The following SSH2 variants were observed in gnomAD, a reference collection of about 807,000 sequenced individuals.
SSH2 encodes protein phosphatase Slingshot homolog 2.
Under a neutral mutation model 135.2 loss-of-function variants are expected in SSH2, and 37 were observed. The observed-to-expected ratio is 0.27, with a 90% CI of 0.21 to 0.36. The LOEUF is 0.36. SSH2 is among the 10% of genes least tolerant of loss of function. SSH2 has a pLI of 1.00. For synonymous variants in SSH2, 628 were observed against 646.2 expected (o/e 0.97, Z 0.43); for missense variants, 1,408 against 1,765.3 (o/e 0.80, Z 3.63).
chr17:29,627,730 C>G lies in SSH2; in HGVS notation c.*3111G>C, dbSNP rs2035539954. The G allele has an allele frequency of 6.6e-6, 1 of 152,556 alleles. No homozygotes were observed. The highest frequency in any genetic ancestry group is 2.4e-5 in the African/African-American group (1 of 41,424). 9.5% of individuals were successfully genotyped at this position (152,556 alleles called of 1,614,324 possible). A position where few individuals can be genotyped will look rare whatever the true frequency, so the allele number is the denominator to read the frequency against. The stretch of plus-strand genomic sequence containing the variant: ...AGTACTACATGTCTACTACAGTATC[C>G]ATTAGTCCTGGGTGTCTCCAAAAAT... On this transcript the variant is annotated 3_prime_UTR_variant, in exon 16 of 16. Transcript: ENST00000540801.
chr17:29,839,705 A>T (rs1162124685), intron 2 of SSH2, among the ~76,000 whole-genome samples: 2 of 152,238 alleles, frequency 1.3e-5, no homozygotes, highest in Non-Finnish European at 2.9e-5. Context: ...CTATATTTTT[A>T]AAATAAACTC....
intron 1 of SSH2, among the ~76,000 whole-genome samples, chr17:29,900,574 A>G (rs981021136): frequency 3.3e-5 from 5 of 152,212 alleles, no homozygotes; most frequent in African/African-American, 9.6e-5. Flanking sequence ...CAAAACCACA[A>G]TGAGATACCA....
intron 11 of SSH2, among the ~76,000 whole-genome samples, chr17:29,660,891 T>C (rs2037003269): frequency 6.6e-6 from 1 of 151,538 alleles, no homozygotes; most frequent in African/African-American, 2.4e-5. Flanking sequence ...ACTCCAACTT[T>C]ACTAAAAATA....
intron 3 of SSH2, among the ~76,000 whole-genome samples, chr17:29,789,529 G>C (rs1189872578): frequency 6.6e-6 from 1 of 152,170 alleles, no homozygotes; most frequent in African/African-American, 2.4e-5. Context: ...CCCCCCAAAG[G>C]CAATTCAGTG....
At chr17:29,691,029 G>A (rs1015074919) in intron 5 of SSH2, among the ~76,000 whole-genome samples, 1 of 151,482 alleles carries the variant, frequency 6.6e-6, no homozygotes, top group Non-Finnish European at 1.5e-5. Flanking sequence ...TGCTGAGAAC[G>A]ATTTTCTCAG....
chr17:29,788,912 AATAC>A (rs1203245947), intron 3 of SSH2, among the ~76,000 whole-genome samples: 2 of 152,208 alleles, frequency 1.3e-5, no homozygotes, highest in Admixed American at 1.3e-4. Context: ...CTTCTTAGAG[AATAC>A]ATAAAGAACC....
chr17:29,865,244 C>T (rs980143928), intron 1 of SSH2, among the ~76,000 whole-genome samples: 1 of 152,190 alleles, frequency 6.6e-6, no homozygotes, highest in African/African-American at 2.4e-5. Flanking sequence ...ATTTCTGCAA[C>T]TTAAGATTGA....
intron 2 of SSH2, 113 bp from the exon 3 acceptor site, chr17:29,794,050 T>A: frequency 2.5e-6 from 2 of 805,684 alleles, no homozygotes; most frequent in Non-Finnish European, 4.0e-6. Flanking sequence ...AAATTACTCA[T>A]GTTGTATACT....
intron 3 of SSH2, among the ~76,000 whole-genome samples, chr17:29,707,924 T>C (rs1015543674): frequency 1.3e-5 from 2 of 152,016 alleles, no homozygotes; most frequent in African/African-American, 4.8e-5. Context: ...CTTTATTCCA[T>C]GGCCCCAGGT....
chr17:29,751,296 T>C (rs781322918), intron 3 of SSH2, among the ~76,000 whole-genome samples: 4 of 152,042 alleles, frequency 2.6e-5, no homozygotes, highest in Non-Finnish European at 5.9e-5. Flanking sequence ...ATGCCTCTAA[T>C]CCCAGCTACT....
intron 3 of SSH2, among the ~76,000 whole-genome samples, chr17:29,758,379 C>T (rs534101119): frequency 6.6e-6 from 1 of 152,266 alleles, no homozygotes; most frequent in Non-Finnish European, 1.5e-5. Flanking sequence ...CTTCTCTAAG[C>T]CTCAGTTTCA....
chr17:29,742,705 G>A (rs1416169701), intron 3 of SSH2, among the ~76,000 whole-genome samples: 1 of 151,860 alleles, frequency 6.6e-6, no homozygotes, highest in African/African-American at 2.4e-5. Context: ...CATGATCTCA[G>A]CTCACTGCAA....
At chr17:29,890,312 T>G (rs1035423465) in intron 1 of SSH2, among the ~76,000 whole-genome samples, 1 of 152,170 alleles carries the variant, frequency 6.6e-6, no homozygotes, top group Non-Finnish European at 1.5e-5. Flanking sequence ...CCTAGGTATA[T>G]GCCCAAGAGA....
Position 29,750,453 on chromosome 17 carries a change from ATT to A in SSH2, c.188+43439_188+43440del, listed in dbSNP as rs200840483. 5.2e-4 allele frequency among the ~76,000 whole-genome samples: 78 copies of A among 149,038 alleles called. 1 individual carries two copies. Among genetic ancestry groups the A allele is most frequent in the South Asian group, 8.4e-4 (4 of 4,778 alleles). ...GACTCTGTCTCAAAAAAAAAAAAAA[ATT>A]TTTTTTTAAATAAATAAAAATAAAA... On this transcript the variant is annotated intron_variant, in intron 3 of 15. Coordinates refer to ENST00000540801, the MANE Select transcript of SSH2 (RefSeq NM_001282129.2).
chr17:29,766,780 C>T (rs1485397171), intron 3 of SSH2, among the ~76,000 whole-genome samples: 1 of 152,002 alleles, frequency 6.6e-6, no homozygotes, highest in Non-Finnish European at 1.5e-5. Flanking sequence ...AAGTTAATCC[C>T]CTGAGTATCA....
intron 1 of SSH2, among the ~76,000 whole-genome samples, chr17:29,870,155 G>A (rs1021806729): frequency 4.0e-5 from 6 of 151,730 alleles, no homozygotes; most frequent in South Asian, 4.2e-4. Context: ...TTATAATAAC[G>A]ATATCCTGGA....
intron 1 of SSH2, among the ~76,000 whole-genome samples, chr17:29,860,084 G>A (rs985803457): frequency 3.3e-5 from 5 of 152,124 alleles, no homozygotes; most frequent in Non-Finnish European, 5.9e-5. Flanking sequence ...CTGACCTCAG[G>A]TGATCCACCA....
intron 1 of SSH2, among the ~76,000 whole-genome samples, chr17:29,915,766 T>G (rs1020744885): frequency 6.6e-6 from 1 of 151,770 alleles, no homozygotes. Context: ...AAACAAAGAT[T>G]CTCTAATTAA....
intron 3 of SSH2, among the ~76,000 whole-genome samples, chr17:29,751,373 C>T (rs1380313179): frequency 1.3e-5 from 2 of 151,242 alleles, no homozygotes; most frequent in Non-Finnish European, 2.9e-5. Flanking sequence ...TGAGATTGTG[C>T]AATTGCAATG....
Sources: gnomAD v4.1 joint callset for allele counts (sites outside exome capture counted in the v4.1 genomes callset) on GRCh38, gnomAD v4.1.1 for gene constraint, MANE v1.5 for transcripts, NCBI Gene and HGNC (gene_info 2026-07-23, HGNC 2026-07-21) for gene names.